Variants in TNIK observed in about 807,000 individuals in gnomAD.
TNIK encodes the protein TRAF2 and NCK-interacting protein kinase.
TNIK carries 49 observed loss-of-function variants against 191.3 expected under a neutral mutation model. The observed-to-expected ratio is 0.26, with a 90% CI of 0.20 to 0.32. The LOEUF (loss-of-function observed/expected upper bound fraction) is 0.32. Ranked by LOEUF, TNIK falls within the 10% of genes least tolerant of loss-of-function variation. The pLI is 1.00. For missense variants in TNIK, 1,155 were observed against 1,702.3 expected (o/e 0.68, Z 5.66); for synonymous variants, 594 against 600.9 (o/e 0.99, Z 0.17).
At chr3:171,210,628 A>T (rs1009177872) in intron 4 of TNIK, among the ~76,000 whole-genome samples, 1 of 152,220 alleles carries the variant, frequency 6.6e-6, no homozygotes, top group Non-Finnish European at 1.5e-5. Flanking sequence ...TCAGCGATAG[A>T]CAGAGAATCG....
At chr3:171,294,683 T>C (rs763712131) in intron 2 of TNIK, among the ~76,000 whole-genome samples, 3 of 152,056 alleles carry the variant, frequency 2.0e-5, no homozygotes, top group Non-Finnish European at 2.9e-5. Flanking sequence ...ATTGCGCCAT[T>C]GCACTCTAGC....
chr3:171,143,378 C>T (rs1731114929), intron 12 of TNIK, among the ~76,000 whole-genome samples: 1 of 152,204 alleles, frequency 6.6e-6, no homozygotes, highest in African/African-American at 2.4e-5. Context: ...GACACCTTTA[C>T]AAAGCTCTGA....
intron 2 of TNIK, among the ~76,000 whole-genome samples, chr3:171,234,823 G>A (rs1016873389): frequency 1.3e-4 from 20 of 152,150 alleles, no homozygotes; most frequent in African/African-American, 4.6e-4. Flanking sequence ...CAGCAGTGAC[G>A]AGGCAGACAA....
intron 26 of TNIK, 136 bp from the exon 27 acceptor site, chr3:171,082,530 A>G: frequency 1.1e-6 from 1 of 938,190 alleles, no homozygotes; most frequent in Non-Finnish European, 1.6e-6. Flanking sequence ...TAAACTAATG[A>G]ATGTAGAAGC....
At chr3:171,117,457 C>T (rs1336437962) in intron 18 of TNIK, among the ~76,000 whole-genome samples, 2 of 149,816 alleles carry the variant, frequency 1.3e-5, no homozygotes, top group Middle Eastern at 3.4e-3. Context: ...TGATTACAGT[C>T]AACACCTCAC....
intron 1 of TNIK, among the ~76,000 whole-genome samples, chr3:171,429,110 C>T (rs999149315): frequency 3.3e-5 from 5 of 152,160 alleles, no homozygotes. Flanking sequence ...GCTACACATT[C>T]CAGTTAGAAG....
chr3:171,185,019 C>T (rs1249925375), intron 7 of TNIK, among the ~76,000 whole-genome samples: 1 of 152,158 alleles, frequency 6.6e-6, no homozygotes, highest in Non-Finnish European at 1.5e-5. Context: ...CACTGTGCAT[C>T]TCTTACTTCA....
In TNIK at chr3:171,194,713, C is replaced by A. The variant is rs1738481986; in HGVS notation, c.307-78G>T. The A allele has an allele frequency of 5.5e-6, 7 of 1,264,816 alleles. No individual in the cohort carries two copies. The Admixed American group carries it at 1.2e-4, about 21-fold the overall frequency. The allele number at this position is 1,264,816 out of a possible 1,614,324, so 78.3% of individuals were successfully genotyped here. On this transcript the variant is annotated intron_variant, in intron 4 of 32. Coordinates refer to ENST00000436636, the MANE Select transcript of TNIK (RefSeq NM_015028.4). ...TTAAGTTGGGGTAAGAAAGCACAAG[C>A]AATTGGCTGCTTTGGAATGCCATTC... is the stretch of plus-strand genomic sequence containing the variant.
chr3:171,217,788 C>G (rs1741630129), intron 3 of TNIK, among the ~76,000 whole-genome samples: 1 of 151,976 alleles, frequency 6.6e-6, no homozygotes, highest in Non-Finnish European at 1.5e-5. Context: ...CCTCAAGAAA[C>G]CTAAGTTTAA....
At chr3:171,411,848 A>G (rs1722471414) in intron 1 of TNIK, among the ~76,000 whole-genome samples, 1 of 152,232 alleles carries the variant, frequency 6.6e-6, no homozygotes, top group South Asian at 2.1e-4. Flanking sequence ...TTGTTAATGA[A>G]TATCTCTGGT....
intron 2 of TNIK, among the ~76,000 whole-genome samples, chr3:171,363,353 A>T (rs2422225): frequency 0.83 from 126,533 of 152,160 alleles, 53,723 homozygotes; most frequent in Non-Finnish European, 0.92. Context: ...CACAGTGAAC[A>T]CTCAGTCCTA....
At chr3:171,305,039 T>C (rs1408943741) in intron 2 of TNIK, among the ~76,000 whole-genome samples, 11 of 132,204 alleles carry the variant, frequency 8.3e-5, no homozygotes, top group Non-Finnish European at 1.6e-5. Context: ...ATTGAAAATC[T>C]CTGCCACAGG....
intron 6 of TNIK, among the ~76,000 whole-genome samples, chr3:171,190,285 A>G (rs1305828231): frequency 6.6e-6 from 1 of 152,202 alleles, no homozygotes; most frequent in Non-Finnish European, 1.5e-5. Flanking sequence ...ATATAACTTA[A>G]ACCTATGGGA....
At chr3:171,118,474 T>C (rs958161876) in intron 18 of TNIK, among the ~76,000 whole-genome samples, 8 of 152,224 alleles carry the variant, frequency 5.3e-5, no homozygotes, top group African/African-American at 1.4e-4. Context: ...AGAGCTCACA[T>C]TGCCAAGTCA....
chr3:171,432,661 C>T (rs1725519927), intron 1 of TNIK, among the ~76,000 whole-genome samples: 3 of 152,112 alleles, frequency 2.0e-5, no homozygotes, highest in Admixed American at 1.3e-4. Context: ...ATGATAAAAT[C>T]CTTGTATTCC....
In TNIK at chr3:171,171,121, G is replaced by A. The variant is rs140381588; in HGVS notation, c.774-3851C>T. 3.3e-3 allele frequency among the ~76,000 whole-genome samples: 498 copies of A among 152,226 alleles called. 2 individuals are homozygous for A. The highest frequency in any genetic ancestry group is 4.2e-3 in the Non-Finnish European group (289 of 68,024). ...GAGTTCTTTAAGGGAATTATTTCACGTATGGGTTAAATAGCTTAGCAGGAG... is the reference window on the plus strand; with the variant it reads ...GAGTTCTTTAAGGGAATTATTTCACATATGGGTTAAATAGCTTAGCAGGAG... On this transcript the variant is annotated intron_variant, in intron 9 of 32. Coordinates refer to ENST00000436636, the MANE Select transcript of TNIK (RefSeq NM_015028.4).
intron 1 of TNIK, among the ~76,000 whole-genome samples, chr3:171,449,007 G>C (rs537430197): frequency 1.3e-5 from 2 of 152,124 alleles, no homozygotes; most frequent in African/African-American, 4.8e-5. Flanking sequence ...ACAGTGTTTG[G>C]TTTTCTGTTC....
At position 171,165,572 on chromosome 3, in the gene TNIK, A is replaced by G. The variant is rs543039346; in HGVS notation, c.949+1523T>C. On this transcript the variant is annotated intron_variant, in intron 10 of 32. Coordinates refer to ENST00000436636, the MANE Select transcript of TNIK (RefSeq NM_015028.4). ...CTAGTCCCCAGCTTGTGTTATGGGT[A>G]TTAACTGCAGAGGCAAAGAAGAAAG... Among the ~76,000 whole-genome samples, 11 of 152,292 alleles carry G rather than the reference A, an allele frequency of 7.2e-5. No individual in the cohort carries two copies. In the East Asian group the frequency reaches 2.1e-3, roughly 29 times the overall value.
At chr3:171,099,950 G>A (rs1174892756) in intron 22 of TNIK, among the ~76,000 whole-genome samples, 1 of 152,194 alleles carries the variant, frequency 6.6e-6, no homozygotes, top group African/African-American at 2.4e-5. Context: ...AGTTTTCCAT[G>A]TGTAATTTTG....
Sources: allele counts gnomAD v4.1 joint callset (sites outside exome capture counted in the v4.1 genomes callset), GRCh38; gene constraint gnomAD v4.1.1; transcripts MANE v1.5; gene names NCBI Gene and HGNC (gene_info 2026-07-23, HGNC 2026-07-21).